Variants in PIK3CB observed in about 807,000 individuals in gnomAD.
PIK3CB encodes the protein phosphatidylinositol-4,5-bisphosphate 3-kinase catalytic subunit beta.
In PIK3CB, 39 loss-of-function variants were observed where a neutral mutation model predicts 136.8. The ratio of observed to expected loss-of-function variants is 0.29; its 90% confidence interval spans 0.22 to 0.37. PIK3CB has a LOEUF of 0.37. Ranked by LOEUF, PIK3CB falls within the 10% of genes least tolerant of loss-of-function variation. The pLI, the probability that PIK3CB is intolerant of heterozygous loss-of-function variation, is 1.00. For synonymous variants in PIK3CB, 428 were observed against 436.6 expected (o/e 0.98, Z 0.25); for missense variants, 868 against 1,275.4 (o/e 0.68, Z 4.87).
At position 138,681,414 on chromosome 3, in the gene PIK3CB, T is replaced by G. The variant is rs2043779281; in HGVS notation, c.2504+553A>C. Among the ~76,000 whole-genome samples, 3 of 152,342 alleles carry G rather than the reference T, an allele frequency of 2.0e-5. No individual in the cohort carries two copies. The East Asian group carries it at 5.8e-4, about 29-fold the overall frequency. ...CCTTATGTTCACTTCTATGGGCTCT[T>G]TAAATATTTACCCCTTGTTCTGTTC... is the stretch of plus-strand genomic sequence containing the variant. On this transcript the variant is annotated intron_variant, in intron 19 of 23. Transcript: ENST00000674063.
At chr3:138,659,680 C>T (rs773045) in intron 21 of PIK3CB, among the ~76,000 whole-genome samples, 74,374 of 151,788 alleles carry the variant, frequency 0.49, 20,728 homozygotes, top group East Asian at 0.98. Flanking sequence ...TGTGTCTCTG[C>T]GAAAGTTTTA....
intron 7 of PIK3CB, among the ~76,000 whole-genome samples, chr3:138,733,834 C>T (rs929937695): frequency 1.8e-4 from 28 of 152,036 alleles, no homozygotes; most frequent in South Asian, 1.5e-3. Flanking sequence ...GCCAAGATTG[C>T]GCCACTGCAC....
chr3:138,820,896 G>A (rs778897837), intron 1 of PIK3CB, among the ~76,000 whole-genome samples: 15 of 152,194 alleles, frequency 9.9e-5, no homozygotes, highest in Middle Eastern at 6.8e-3. Context: ...AGTTACTTCA[G>A]GAATTTTGCC....
chr3:138,660,366 CTAT>C (rs994111965), intron 21 of PIK3CB, among the ~76,000 whole-genome samples: 1 of 152,108 alleles, frequency 6.6e-6, no homozygotes, highest in Non-Finnish European at 1.5e-5. Context: ...AAACAGAATC[CTAT>C]TATTACTTTA....
chr3:138,659,318 T>C (rs2043245754), intron 21 of PIK3CB, among the ~76,000 whole-genome samples: 1 of 152,184 alleles, frequency 6.6e-6, no homozygotes, highest in African/African-American at 2.4e-5. Flanking sequence ...GTGACAAGTT[T>C]TGTGACCCTG....
intron 11 of PIK3CB, among the ~76,000 whole-genome samples, chr3:138,704,703 A>T (rs1485757685): frequency 6.6e-6 from 1 of 152,050 alleles, no homozygotes; most frequent in Non-Finnish European, 1.5e-5. Context: ...AGGGATTATG[A>T]CTCCTAGGAA....
intron 2 of PIK3CB, among the ~76,000 whole-genome samples, chr3:138,783,933 T>C (rs774717565): frequency 2.0e-5 from 3 of 152,154 alleles, no homozygotes; most frequent in East Asian, 3.9e-4. Context: ...CATAAACATA[T>C]GGGGGAAAAT....
intron 8 of PIK3CB, among the ~76,000 whole-genome samples, chr3:138,730,329 A>G (rs940878146): frequency 6.6e-6 from 1 of 152,228 alleles, no homozygotes; most frequent in Non-Finnish European, 1.5e-5. Context: ...TGACAAAGGA[A>G]TAACGCATAA....
chr3:138,750,583 G>A (rs888296774), intron 4 of PIK3CB, among the ~76,000 whole-genome samples: 8 of 152,188 alleles, frequency 5.3e-5, no homozygotes, highest in African/African-American at 1.7e-4. Flanking sequence ...CCTGCTGTGC[G>A]GCCTGGTTCC....
intron 19 of PIK3CB, among the ~76,000 whole-genome samples, chr3:138,676,719 T>C (rs1204832924): frequency 6.6e-6 from 1 of 152,186 alleles, no homozygotes; most frequent in East Asian, 1.9e-4. Context: ...TTTGAAGCCA[T>C]TACGCTTAGA....
At chr3:138,773,920 T>C (rs1390736747) in intron 2 of PIK3CB, among the ~76,000 whole-genome samples, 3 of 152,188 alleles carry the variant, frequency 2.0e-5, no homozygotes, top group Admixed American at 2.0e-4. Context: ...CCAATCACTG[T>C]TTGACAATAA....
intron 2 of PIK3CB, among the ~76,000 whole-genome samples, chr3:138,766,494 G>A (rs2045734354): frequency 6.6e-6 from 1 of 152,004 alleles, no homozygotes; most frequent in Non-Finnish European, 1.5e-5. Context: ...ATCTTTAGGT[G>A]CATCATAAAG....
chr3:138,725,963 T>C (rs2044826626), intron 8 of PIK3CB, among the ~76,000 whole-genome samples: 1 of 152,262 alleles, frequency 6.6e-6, no homozygotes, highest in South Asian at 2.1e-4. Flanking sequence ...GTTTATATCC[T>C]ATGGAGAATG....
At chr3:138,672,466 C>A (rs1213015241) in intron 19 of PIK3CB, among the ~76,000 whole-genome samples, 1 of 152,028 alleles carries the variant, frequency 6.6e-6, no homozygotes, top group Non-Finnish European at 1.5e-5. Flanking sequence ...CATTCACAAC[C>A]CAGGGAGCAA....
chr3:138,729,695 TC>T (rs1298682279), intron 8 of PIK3CB, among the ~76,000 whole-genome samples: 2 of 152,172 alleles, frequency 1.3e-5, no homozygotes, highest in East Asian at 1.9e-4. Flanking sequence ...CATTCCTGGT[TC>T]TCAGGCTTTC....
At chr3:138,820,517 GGA>G (rs1933515567) in intron 1 of PIK3CB, among the ~76,000 whole-genome samples, 1 of 151,974 alleles carries the variant, frequency 6.6e-6, no homozygotes, top group South Asian at 2.1e-4. Context: ...GTTTTGAGAT[GGA>G]GTCTTGCTCT....
chr3:138,700,099 G>A (rs2044218776), intron 12 of PIK3CB, among the ~76,000 whole-genome samples: 1 of 152,124 alleles, frequency 6.6e-6, no homozygotes, highest in South Asian at 2.1e-4. Flanking sequence ...GCATGTGCTT[G>A]CAGTTCTAGC....
chr3:138,713,136 G>T (rs935425682), intron 9 of PIK3CB, among the ~76,000 whole-genome samples: 2 of 151,098 alleles, frequency 1.3e-5, no homozygotes, highest in Non-Finnish European at 2.9e-5. Context: ...AGGAACTAAT[G>T]CTTCTGTGAC....
intron 19 of PIK3CB, among the ~76,000 whole-genome samples, chr3:138,670,439 CAT>C (rs1425665240): frequency 6.6e-6 from 1 of 152,136 alleles, no homozygotes; most frequent in East Asian, 1.9e-4. Context: ...CAAGTAAAAA[CAT>C]ATTCCTGGGG....
Sources: gnomAD v4.1 joint callset for allele counts (sites outside exome capture counted in the v4.1 genomes callset) on GRCh38, gnomAD v4.1.1 for gene constraint, MANE v1.5 for transcripts, NCBI Gene and HGNC (gene_info 2026-07-23, HGNC 2026-07-21) for gene names.